Variants in FSD1 observed in about 807,000 individuals in gnomAD.
The protein encoded by FSD1 is fibronectin type III and SPRY domain containing 1, also known as fibronectin type III and SPRY domain-containing protein 1.
A neutral mutation model predicts 58.2 loss-of-function variants in FSD1; 23 were observed. The observed-to-expected ratio is 0.40, with a 90% CI of 0.28 to 0.56. The LOEUF is 0.56. FSD1 is among the 20% of genes least tolerant of loss of function. The pLI is 0.54. For synonymous variants in FSD1, 265 were observed against 263.4 expected, an observed-to-expected ratio of 1.01 and a Z score of -0.06; for missense variants, 563 against 670.8, an observed-to-expected ratio of 0.84 and a Z score of 1.78.
At chr19:4,319,406 A>G (rs139169050) in intron 10 of FSD1, among the ~76,000 whole-genome samples, 7 of 152,308 alleles carry the variant, frequency 4.6e-5, no homozygotes, top group East Asian at 1.9e-4. Context: ...AGAGAAGTCA[A>G]TAGTAGCATA....
At chr19:4,316,762 T>C (rs937528817) in intron 7 of FSD1, among the ~76,000 whole-genome samples, 1 of 152,006 alleles carries the variant, frequency 6.6e-6, no homozygotes, top group Non-Finnish European at 1.5e-5. Flanking sequence ...ATTTTTTATT[T>C]TTTTTGAGAT....
At position 4,323,341 on chromosome 19, in the gene FSD1, A is replaced by T; in HGVS notation, c.1292-7A>T. ...GGTCCCACTGTCACTCTGCCCCCCG[A>T]CCCCAGGCCTCCTGTCCTTCTACAA... On this transcript the variant is annotated splice_polypyrimidine_tract_variant and splice_region_variant and intron_variant, in intron 11 of 12. Coordinates refer to ENST00000221856, the MANE Select transcript of FSD1 (RefSeq NM_024333.3). This position sits in a 1 kb window ranked among gnomAD's most constrained non-coding sequence, Gnocchi z 7.7. 6.2e-7 allele frequency: 1 copy of T among 1,611,368 alleles called. No homozygotes were observed. The highest frequency in any genetic ancestry group is 8.5e-7 in the Non-Finnish European group (1 of 1,179,102).
At position 4,304,714 on chromosome 19, in the gene FSD1, G is replaced by A. The variant is rs1971596086; in HGVS notation, c.-33G>A. The A allele has an allele frequency of 8.2e-7, 1 of 1,223,388 alleles. No individual in the cohort carries two copies. The highest frequency in any genetic ancestry group is 3.2e-5 in the East Asian group (1 of 31,556). The allele number at this position is 1,223,388 out of a possible 1,614,324, so 75.8% of individuals were successfully genotyped here. A position where few individuals can be genotyped will look rare whatever the true frequency, so the allele number is the denominator to read the frequency against. ...TGGGGACCCAGCGTGCGCGGGGCCC[G>A]CGGGCCGGGCCGGGGTGACCTGGGC... On this transcript the variant is annotated 5_prime_UTR_variant, in exon 1 of 13. Coordinates refer to ENST00000221856, the MANE Select transcript of FSD1 (RefSeq NM_024333.3).
chr19:4,317,739 C>T lies in FSD1; in HGVS notation c.799+459C>T, dbSNP rs1295147986. Among the ~76,000 whole-genome samples, 4 of 152,362 alleles carry T rather than the reference C, an allele frequency of 2.6e-5. No homozygotes were observed. The East Asian group carries it at 7.7e-4, about 29-fold the overall frequency. ...ATTGGCTTGAAAATGCCTCCAGAGG[C>T]TGGGCACAGTGGCTCACGCCTGTGA... On this transcript the variant is annotated intron_variant, in intron 8 of 12. Coordinates refer to ENST00000221856, the MANE Select transcript of FSD1 (RefSeq NM_024333.3).
chr19:4,323,455 C>T lies in FSD1; in HGVS notation c.1380+19C>T. 6.2e-7 allele frequency: 1 copy of T among 1,608,580 alleles called. No individual in the cohort carries two copies. The highest frequency in any genetic ancestry group is 8.5e-7 in the Non-Finnish European group (1 of 1,175,612). On this transcript the variant is annotated intron_variant, in intron 12 of 12. Coordinates refer to ENST00000221856, the MANE Select transcript of FSD1 (RefSeq NM_024333.3). This position sits in a 1 kb window ranked among gnomAD's most constrained non-coding sequence, Gnocchi z 7.7. ...TTTCACGGTGAGCTGCCCTCCGCGG[C>T]CCAGGGGGAGGAGAGGGTGGTGCTG... is the stretch of plus-strand genomic sequence containing the variant.
intron 10 of FSD1, among the ~76,000 whole-genome samples, chr19:4,321,291 G>T (rs1482286228): frequency 7.0e-6 from 1 of 142,492 alleles, no homozygotes; most frequent in Non-Finnish European, 1.5e-5. Context: ...GAGGGGAATA[G>T]CTGGGACTGA....
intron 7 of FSD1, among the ~76,000 whole-genome samples, chr19:4,316,376 C>T (rs537265717): frequency 4.0e-5 from 6 of 151,664 alleles, no homozygotes; most frequent in East Asian, 3.9e-4. Flanking sequence ...CGCCACCCCC[C>T]GCCCCCACCA....
intron 7 of FSD1, among the ~76,000 whole-genome samples, chr19:4,312,532 G>A (rs559752821): frequency 4.0e-5 from 6 of 151,144 alleles, no homozygotes; most frequent in Non-Finnish European, 8.8e-5. Flanking sequence ...GGCCGGGCGC[G>A]GTAGCTCACG....
intron 3 of FSD1, among the ~76,000 whole-genome samples, chr19:4,307,644 C>T (rs1971636844): frequency 6.6e-6 from 1 of 152,222 alleles, no homozygotes; most frequent in Non-Finnish European, 1.5e-5. Context: ...GCTGGGATTA[C>T]AGGCCTGAGC....
In FSD1 at chr19:4,309,381, A is replaced by G. The variant is rs543132918; in HGVS notation, c.346-892A>G. 2.0e-4 allele frequency among the ~76,000 whole-genome samples: 31 copies of G among 152,348 alleles called. No homozygotes were observed. In the South Asian group the frequency reaches 6.4e-3, roughly 32 times the overall value. Reference sequence around the variant, plus strand: ...GTATATCCCAAAGAGTGCATGGGACATAGTCATGATTTATCTGAAATGCCA... The same window carrying G: ...GTATATCCCAAAGAGTGCATGGGACGTAGTCATGATTTATCTGAAATGCCA... On this transcript the variant is annotated intron_variant, in intron 4 of 12. Transcript: ENST00000221856.
At chr19:4,308,082 A>T in intron 4 of FSD1, 99 bp downstream of exon 4, 1 of 919,112 alleles carries the variant, frequency 1.1e-6, no homozygotes, top group Non-Finnish European at 1.7e-6. Context: ...TAGCCCACCC[A>T]TGCGATAGTT....
At position 4,323,049 on chromosome 19, in the gene FSD1, C is replaced by T. The variant is rs745349961; in HGVS notation, c.1103C>T (p.Ala368Val). The T allele has an allele frequency of 1.6e-5, 25 of 1,611,930 alleles. No homozygotes were observed. The highest frequency in any genetic ancestry group is 2.7e-5 in the African/African-American group (2 of 74,850). Residue 368 changes from alanine to valine, a missense_variant, in exon 11 of 13, where the codon GCG becomes GTG. Ala to Val is a moderately conservative substitution (Grantham distance 64, BLOSUM62 0). Coordinates refer to ENST00000221856, the MANE Select transcript of FSD1 (RefSeq NM_024333.3). The surrounding 1 kb of genome is among the most constrained non-coding windows in gnomAD (Gnocchi z 7.7). Reference protein sequence around the residue: ...WEVRYEPDSKAFGVGVAYRSL... With the variant: ...WEVRYEPDSKVFGVGVAYRSL... ...GTGCGCTACGAGCCGGACAGCAAGG[C>T]GTTCGGCGTGGGCGTGGCCTACCGC...
intron 10 of FSD1, among the ~76,000 whole-genome samples, chr19:4,321,302 GGA>G (rs1222242461): frequency 7.1e-6 from 1 of 140,712 alleles, no homozygotes; most frequent in Non-Finnish European, 1.6e-5. Context: ...CTGGGACTGA[GGA>G]GTATCTGTGG....
At chr19:4,315,560 G>T (rs1479663394) in intron 7 of FSD1, among the ~76,000 whole-genome samples, 1 of 149,586 alleles carries the variant, frequency 6.7e-6, no homozygotes, top group African/African-American at 2.5e-5. Flanking sequence ...CGCCTCCGTC[G>T]GCCTCCCAAA....
In FSD1 at chr19:4,304,688, T is replaced by C. The variant is rs997156077; in HGVS notation, c.-59T>C. On this transcript the variant is annotated 5_prime_UTR_variant, in exon 1 of 13. Transcript: ENST00000221856. ...GGCTACCGGCCGCGGCAAAGGCAGC[T>C]TGGGGACCCAGCGTGCGCGGGGCCC... The C allele has an allele frequency of 1.7e-6, 2 of 1,143,310 alleles. No individual in the cohort carries two copies. Among genetic ancestry groups the C allele is most frequent in the Non-Finnish European group, 2.2e-6 (2 of 916,234 alleles). The allele number at this position is 1,143,310 out of a possible 1,614,324, so 70.8% of individuals were successfully genotyped here. A position where few individuals can be genotyped will look rare whatever the true frequency, so the allele number is the denominator to read the frequency against.
intron 10 of FSD1, among the ~76,000 whole-genome samples, chr19:4,322,299 G>A (rs1429508718): frequency 1.4e-5 from 2 of 145,814 alleles, no homozygotes; most frequent in South Asian, 2.2e-4. Flanking sequence ...GGGATCCTGA[G>A]GAGTATCTGG....
intron 7 of FSD1, among the ~76,000 whole-genome samples, chr19:4,312,612 G>T (rs530494799): frequency 8.8e-4 from 134 of 151,970 alleles, no homozygotes; most frequent in African/African-American, 3.1e-3. Flanking sequence ...GACCATCCTG[G>T]CTAACACGGT....
At chr19:4,309,295 GA>G (rs938550818) in intron 4 of FSD1, among the ~76,000 whole-genome samples, 1 of 152,046 alleles carries the variant, frequency 6.6e-6, no homozygotes, top group African/African-American at 2.4e-5. Context: ...AAATGCAAAT[GA>G]ATAAATACTT....
At chr19:4,309,053 T>C (rs570184014) in intron 4 of FSD1, among the ~76,000 whole-genome samples, 157 of 152,038 alleles carry the variant, frequency 1.0e-3, no homozygotes, top group Middle Eastern at 0.01. Context: ...CCAGCCTAGG[T>C]GACAGAGCAA....
Sources: gnomAD v4.1 joint callset for allele counts (sites outside exome capture counted in the v4.1 genomes callset) on GRCh38, gnomAD v4.1.1 for gene constraint, Gnocchi (gnomAD v3.1) non-coding constraint, MANE v1.5 for transcripts, NCBI Gene and HGNC (gene_info 2026-07-23, HGNC 2026-07-21) for gene names.